Variants in CRBN observed in about 807,000 individuals in gnomAD.
The protein encoded by CRBN is protein cereblon.
CRBN carries 53 observed loss-of-function variants against 62.2 expected under a neutral mutation model. That is an observed-to-expected ratio of 0.85 (90% CI 0.68 to 1.07). The LOEUF is 1.07. Ranked by LOEUF, CRBN falls within the 50% of genes least tolerant of loss-of-function variation. The pLI is 0.00. For synonymous variants in CRBN, 208 were observed against 176.1 expected (o/e 1.18, Z -1.43); for missense variants, 616 against 531.1 (o/e 1.16, Z -1.57).
At chr3:3,165,829 A>T (rs770085803) in intron 5 of CRBN, among the ~76,000 whole-genome samples, 11 of 152,194 alleles carry the variant, frequency 7.2e-5, no homozygotes, top group African/African-American at 7.2e-5. Flanking sequence ...TATTCAGATG[A>T]CACATAGGGA....
Position 3,179,656 on chromosome 3 carries a change from G to C in CRBN, c.32C>G (p.Ala11Gly), listed in dbSNP as rs866123640. The change falls in exon 1 of 11, where the codon GCG (alanine) becomes GGG (glycine). Residue 11 changes from alanine (A) to glycine (G), a missense_variant. By Grantham distance (60) the Ala-to-Gly change is moderately conservative. Transcript: ENST00000231948. ...CGGCAGGTGGTTGCCCATGTTGTGCGCAGCGTCCTGCTGATCTCCTTCGCC... is the reference window on the plus strand; with the variant it reads ...CGGCAGGTGGTTGCCCATGTTGTGCCCAGCGTCCTGCTGATCTCCTTCGCC... MAGEGDQQDA[A>G]HNMGNHLPLL... 6.2e-7 allele frequency: 1 copy of C among 1,613,122 alleles called. No homozygotes were observed. Among genetic ancestry groups the C allele is most frequent in the Middle Eastern group, 1.7e-4 (1 of 6,056 alleles).
Position 3,156,271 on chromosome 3 carries a change from T to C in CRBN, c.698A>G (p.His233Arg). Residue 233 changes from histidine to arginine, a missense_variant, in exon 6 of 11, where the codon CAT becomes CGT. His to Arg is a conservative substitution (Grantham distance 29). Coordinates refer to ENST00000231948, the MANE Select transcript of CRBN (RefSeq NM_016302.4). ...AGGCCATGAAGTTAGATTTGCACAA[T>C]GAAACTTTCTCTGAAAACAAAACAA... is the stretch of plus-strand genomic sequence containing the variant. ...WWQKYQKRKFHCANLTSWPRW... is the reference protein window; with the variant it reads ...WWQKYQKRKFRCANLTSWPRW... The C allele has an allele frequency of 6.2e-7, 1 of 1,613,898 alleles. No individual in the cohort carries two copies. Among genetic ancestry groups the C allele is most frequent in the Admixed American group, 1.7e-5 (1 of 59,996 alleles).
rs1311964479 is a variant in CRBN, at chr3:3,150,159, G to A, written c.*706C>T. 1 of 152,030 alleles carries A rather than the reference G, an allele frequency of 6.6e-6. No homozygotes were observed. Among genetic ancestry groups the A allele is most frequent in the African/African-American group, 2.4e-5 (1 of 41,412 alleles). The allele number at this position is 152,030 out of a possible 1,614,324, so 9.4% of individuals were successfully genotyped here. A position where few individuals can be genotyped will look rare whatever the true frequency, so the allele number is the denominator to read the frequency against. ...GTAGTTTTGGTTCAAATTAATTTTT[G>A]AAAAATAGCTTTTGTATGGAACAGT... On this transcript the variant is annotated 3_prime_UTR_variant, in exon 11 of 11. Coordinates refer to ENST00000231948, the MANE Select transcript of CRBN (RefSeq NM_016302.4).
At chr3:3,175,819 A>T (rs1419834865) in intron 1 of CRBN, among the ~76,000 whole-genome samples, 1 of 152,144 alleles carries the variant, frequency 6.6e-6, no homozygotes, top group Non-Finnish European at 1.5e-5. Context: ...TGTTTGATGT[A>T]ATTCCCATGA....
Position 3,175,230 on chromosome 3 carries a change from T to C in CRBN, c.107A>G (p.Gln36Arg), listed in dbSNP as rs1013178602. The change falls in exon 2 of 11, where the codon CAG becomes CGG. Residue 36 changes from glutamine (Q) to arginine (R), a missense_variant. Physicochemically the swap from Gln to Arg is conservative, Grantham distance 43. Coordinates refer to ENST00000231948, the MANE Select transcript of CRBN (RefSeq NM_016302.4). ...TGGTTTTTTGGCTTCTTTACTATCC[T>C]GGTCTTCAACTTCCATTTCATCTTC... Reference protein sequence around the residue: ...EEEDEMEVEDQDSKEAKKPNI... With the variant: ...EEEDEMEVEDRDSKEAKKPNI... 6.2e-7 allele frequency: 1 copy of C among 1,613,572 alleles called. No individual in the cohort carries two copies.
intron 3 of CRBN, among the ~76,000 whole-genome samples, 169 bp from the exon 4 acceptor site, chr3:3,173,094 G>A (rs975960739): frequency 5.9e-5 from 9 of 152,076 alleles, no homozygotes; most frequent in African/African-American, 1.2e-4. Context: ...GTCTCGCTGC[G>A]TTGCCCAGAC....
intron 5 of CRBN, among the ~76,000 whole-genome samples, chr3:3,165,359 C>G (rs991492730): frequency 3.3e-5 from 5 of 152,198 alleles, no homozygotes; most frequent in Admixed American, 6.5e-5. Flanking sequence ...TGCTATCAAA[C>G]AGCGCCGCAT....
At chr3:3,155,350 G>C (rs1292447665) in intron 6 of CRBN, 1 of 156,432 alleles carries the variant, frequency 6.4e-6, no homozygotes, top group Admixed American at 6.2e-5. Context: ...CGTGCATGTT[G>C]TTGAGTTTTC....
At chr3:3,166,346 T>G (rs1353671588) in intron 5 of CRBN, among the ~76,000 whole-genome samples, 1 of 152,144 alleles carries the variant, frequency 6.6e-6, no homozygotes, top group East Asian at 1.9e-4. Flanking sequence ...TTCCTTGACT[T>G]TCAACCTTCT....
At chr3:3,158,444 G>C (rs944277297) in intron 5 of CRBN, among the ~76,000 whole-genome samples, 1 of 152,184 alleles carries the variant, frequency 6.6e-6, no homozygotes, top group African/African-American at 2.4e-5. Context: ...AGTGGTTAAA[G>C]CCTGAGGAGT....
At chr3:3,175,429 GCT>G (rs1336749961) in intron 1 of CRBN, among the ~76,000 whole-genome samples, 160 bp from the exon 2 acceptor site, 4 of 140,250 alleles carry the variant, frequency 2.9e-5, no homozygotes, top group Non-Finnish European at 6.2e-5. Context: ...TCCGTGCTGG[GCT>G]CTGTCAGTAG....
chr3:3,151,502 A>AAAAACTAC (rs3840225), intron 10 of CRBN, among the ~76,000 whole-genome samples: 109,900 of 151,814 alleles, frequency 0.72, 41,480 homozygotes, highest in Middle Eastern at 0.87. Flanking sequence ...GTAAATATTT[A>AAAAACTAC]TATTCTAAAA....
At chr3:3,170,661 G>A (rs1350815765) in intron 4 of CRBN, among the ~76,000 whole-genome samples, 1 of 152,188 alleles carries the variant, frequency 6.6e-6, no homozygotes, top group Non-Finnish European at 1.5e-5. Flanking sequence ...CAGAGAAGTA[G>A]TGGAGCCAAG....
At chr3:3,162,846 G>T (rs554410097) in intron 5 of CRBN, among the ~76,000 whole-genome samples, 1 of 152,272 alleles carries the variant, frequency 6.6e-6, no homozygotes, top group East Asian at 1.9e-4. Context: ...ATTATGGTGG[G>T]ATGGACAAAT....
chr3:3,149,656 A>C (rs1004233972), downstream of CRBN: 2 of 152,264 alleles, frequency 1.3e-5, no homozygotes, highest in Non-Finnish European at 2.9e-5. Context: ...AAATTATTAA[A>C]GTAGTAAAAG....
intron 5 of CRBN, among the ~76,000 whole-genome samples, chr3:3,162,034 C>G (rs890543015): frequency 1.3e-5 from 2 of 152,170 alleles, no homozygotes; most frequent in Non-Finnish European, 2.9e-5. Flanking sequence ...TGGGAGATTA[C>G]GTATGAGACC....
intron 10 of CRBN, 69 bp from the exon 11 acceptor site, chr3:3,151,114 T>C: frequency 6.5e-7 from 1 of 1,535,158 alleles, no homozygotes; most frequent in Non-Finnish European, 8.9e-7. Flanking sequence ...TATAAACCTA[T>C]CATGAAGACA....
intron 1 of CRBN, among the ~76,000 whole-genome samples, chr3:3,178,745 C>A (rs1707936311): frequency 6.6e-6 from 1 of 152,278 alleles, no homozygotes; most frequent in African/African-American, 2.4e-5. Context: ...TGTGTATTAC[C>A]TCTCGTTTCA....
intron 1 of CRBN, among the ~76,000 whole-genome samples, chr3:3,175,969 C>T (rs1707811170): frequency 6.6e-6 from 1 of 152,172 alleles, no homozygotes; most frequent in Admixed American, 6.5e-5. Flanking sequence ...ACTATTCCTG[C>T]TGTTAACCTT....
Sources: gnomAD v4.1 joint callset for allele counts (sites outside exome capture counted in the v4.1 genomes callset) on GRCh38, gnomAD v4.1.1 for gene constraint, MANE v1.5 for transcripts, NCBI Gene and HGNC (gene_info 2026-07-23, HGNC 2026-07-21) for gene names.